NXPE4: variants seen among roughly 807,000 people sequenced by gnomAD.
NXPE4 encodes NXPE family member 4.
Under a neutral mutation model 33.3 loss-of-function variants are expected in NXPE4, and 42 were observed. That is an observed-to-expected ratio of 1.26 (90% CI 0.98 to 1.63). NXPE4 has a LOEUF of 1.63. Among genes scored for constraint, NXPE4 ranks in the 40% most tolerant of loss-of-function variants. The pLI, the probability that NXPE4 is intolerant of heterozygous loss-of-function variation, is 0.00. For synonymous variants in NXPE4, 253 were observed against 234.9 expected (o/e 1.08, Z -0.71); for missense variants, 709 against 647.6 (o/e 1.09, Z -1.03).
chr11:114,613,616 C>A, the NXPE4 span, among the ~76,000 whole-genome samples: 2 of 151,826 alleles, frequency 1.3e-5, no homozygotes, highest in African/African-American at 4.8e-5. Context: ...TCATGGGTAA[C>A]CACTGTTACA....
chr11:114,578,628 A>G (rs1949067865), intron 5 of NXPE4, among the ~76,000 whole-genome samples: 1 of 152,192 alleles, frequency 6.6e-6, no homozygotes, highest in Non-Finnish European at 1.5e-5. Flanking sequence ...GTTTGAGATC[A>G]TGAGTGGCCT....
chr11:114,594,633 C>T, intron 2 of NXPE4, 31 bp downstream of exon 2: 1 of 1,414,096 alleles, frequency 7.1e-7, no homozygotes, highest in East Asian at 2.3e-5. Context: ...AAATAAGCTT[C>T]TGTAAACCAC....
the NXPE4 span, among the ~76,000 whole-genome samples, chr11:114,663,010 C>G: frequency 6.6e-6 from 1 of 152,168 alleles, no homozygotes; most frequent in Non-Finnish European, 1.5e-5. Context: ...GTCCCTGATT[C>G]CAGCACTTGT....
At chr11:114,580,968 C>G (rs546483152) in intron 4 of NXPE4, among the ~76,000 whole-genome samples, 46 of 152,252 alleles carry the variant, frequency 3.0e-4, no homozygotes, top group Non-Finnish European at 5.3e-4. Context: ...GATTATTAAT[C>G]AACTGAGAGA....
the NXPE4 span, among the ~76,000 whole-genome samples, chr11:114,638,100 C>T: frequency 2.6e-5 from 4 of 151,552 alleles, no homozygotes; most frequent in African/African-American, 9.7e-5. Context: ...TTCAGGTACA[C>T]CAATGAGATG....
At chr11:114,622,268 G>A in the NXPE4 span, among the ~76,000 whole-genome samples, 5 of 150,518 alleles carry the variant, frequency 3.3e-5, no homozygotes, top group African/African-American at 2.4e-5. Flanking sequence ...GTGTTGCCTC[G>A]TGAGTAATCA....
the NXPE4 span, among the ~76,000 whole-genome samples, chr11:114,602,354 T>A: frequency 1.4e-4 from 18 of 126,836 alleles, no homozygotes; most frequent in East Asian, 3.6e-3. Flanking sequence ...ACATATACTA[T>A]ATATAATATG....
chr11:114,632,577 T>C, the NXPE4 span, among the ~76,000 whole-genome samples: 10 of 112,374 alleles, frequency 8.9e-5, no homozygotes, highest in Non-Finnish European at 1.2e-4. Context: ...ACATATATCA[T>C]ATATTTATTG....
At chr11:114,601,396 T>A in the NXPE4 span, among the ~76,000 whole-genome samples, 2 of 141,892 alleles carry the variant, frequency 1.4e-5, no homozygotes, top group Non-Finnish European at 3.0e-5. Context: ...TCCAGTTCCA[T>A]CCGTGTTGCT....
At chr11:114,669,083 G>T in the NXPE4 span, among the ~76,000 whole-genome samples, 1 of 151,972 alleles carries the variant, frequency 6.6e-6, no homozygotes, top group South Asian at 2.1e-4. Flanking sequence ...CTATGCTCTG[G>T]AATGATTTCA....
chr11:114,618,937 C>G, the NXPE4 span, among the ~76,000 whole-genome samples: 13 of 151,950 alleles, frequency 8.6e-5, no homozygotes, highest in African/African-American at 3.1e-4. Flanking sequence ...CTGCTACCCA[C>G]TGGATAATAA....
upstream of NXPE4, among the ~76,000 whole-genome samples, chr11:114,598,812 A>G (rs1439386258): frequency 1.3e-5 from 2 of 151,578 alleles, no homozygotes; most frequent in Non-Finnish European, 2.9e-5. Context: ...GGCTTCCACA[A>G]AGTTCTCTGA....
At chr11:114,622,082 GATA>G in the NXPE4 span, among the ~76,000 whole-genome samples, 1 of 151,928 alleles carries the variant, frequency 6.6e-6, no homozygotes, top group Non-Finnish European at 1.5e-5. Flanking sequence ...TTACCTGGTG[GATA>G]ATAAGTACTG....
chr11:114,583,868 C>T (rs1251059608), intron 2 of NXPE4: 1 of 392,056 alleles, frequency 2.6e-6, no homozygotes, highest in Admixed American at 3.3e-5. Context: ...AGAGTACTTC[C>T]CAGGAGATGG....
At position 114,570,664 on chromosome 11, in the gene NXPE4, C is replaced by T. The variant is rs1333385185; in HGVS notation, c.*274G>A. 3 of 251,734 alleles carry T rather than the reference C, an allele frequency of 1.2e-5. No homozygotes were observed. In the East Asian group the frequency reaches 2.3e-4, roughly 20 times the overall value. 15.6% of individuals were successfully genotyped at this position (251,734 alleles called of 1,614,324 possible). A position where few individuals can be genotyped will look rare whatever the true frequency, so the allele number is the denominator to read the frequency against. ...TCATGCATCAGAGAGAACTTTTACCCATAGGTGTCTTGACTTCCCATTGGT... is the reference window on the plus strand; with the variant it reads ...TCATGCATCAGAGAGAACTTTTACCTATAGGTGTCTTGACTTCCCATTGGT... On this transcript the variant is annotated 3_prime_UTR_variant, in exon 6 of 6. Transcript: ENST00000375478.
chr11:114,637,138 T>C, the NXPE4 span, among the ~76,000 whole-genome samples: 1 of 151,732 alleles, frequency 6.6e-6, no homozygotes, highest in African/African-American at 2.4e-5. Context: ...TTTATGAATC[T>C]AGGTGCTCCT....
At chr11:114,574,108 G>C (rs941485274) in intron 5 of NXPE4, among the ~76,000 whole-genome samples, 2 of 152,094 alleles carry the variant, frequency 1.3e-5, no homozygotes, top group African/African-American at 4.8e-5. Context: ...GCTCTTGAAT[G>C]ATCATTGAGT....
chr11:114,578,568 C>T (rs1949066817), intron 5 of NXPE4, among the ~76,000 whole-genome samples: 1 of 152,140 alleles, frequency 6.6e-6, no homozygotes, highest in Non-Finnish European at 1.5e-5. Flanking sequence ...TAACTTAGAA[C>T]TAAGGCCCTA....
the NXPE4 span, among the ~76,000 whole-genome samples, chr11:114,617,769 TAA>T: frequency 6.6e-6 from 1 of 152,130 alleles, no homozygotes; most frequent in African/African-American, 2.4e-5. Context: ...ATGTGGATAA[TAA>T]GTGTTGCCTT....
Sources: allele counts gnomAD v4.1 joint callset (sites outside exome capture counted in the v4.1 genomes callset), GRCh38; gene constraint gnomAD v4.1.1; transcripts MANE v1.5; gene names NCBI Gene and HGNC (gene_info 2026-07-23, HGNC 2026-07-21).